The following CAMTA2 variants were observed in gnomAD, a reference collection of about 807,000 sequenced individuals.
CAMTA2 encodes the protein calmodulin-binding transcription activator 2.
A neutral mutation model predicts 135.7 loss-of-function variants in CAMTA2; 56 were observed. The ratio of observed to expected loss-of-function variants is 0.41; its 90% CI spans 0.33 to 0.52. CAMTA2 has a LOEUF of 0.52. Among genes scored for constraint, CAMTA2 ranks in the 20% least tolerant of loss-of-function variants. The pLI, the probability that CAMTA2 is intolerant of heterozygous loss-of-function variation, is 0.16. For missense variants in CAMTA2, 1,358 were observed against 1,553.4 expected (o/e 0.87, Z 2.11); for synonymous variants, 591 against 604.6 (o/e 0.98, Z 0.33).
chr17:4,970,551 AAGC>A lies in CAMTA2; in HGVS notation c.2809-18_2809-16del. The A allele has an allele frequency of 6.2e-7, 1 of 1,603,588 alleles. No individual in the cohort carries two copies. The highest frequency in any genetic ancestry group is 8.5e-7 in the Non-Finnish European group (1 of 1,178,256). ...ATCATGTCCACCTGGAAGAAGGGAG[AAGC>A]TGAGTGAGTCCTTAGGGGCCCCAGC... On this transcript the variant is annotated splice_polypyrimidine_tract_variant and intron_variant, in intron 16 of 22. Coordinates refer to ENST00000348066, the MANE Select transcript of CAMTA2 (RefSeq NM_015099.4).
rs561495223 is a variant in CAMTA2, at chr17:4,974,091, G to A, written c.2016+294C>T. ...TTAGCCCTCTTCTTTCAGAAACTTG[G>A]GACCCACAGAGATCTGAGCCCCAGT... On this transcript the variant is annotated intron_variant, in intron 12 of 22. Coordinates refer to ENST00000348066, the MANE Select transcript of CAMTA2 (RefSeq NM_015099.4). 50 of 522,066 alleles carry A rather than the reference G, an allele frequency of 9.6e-5. No individual in the cohort carries two copies. In the Admixed American group the frequency reaches 1.5e-3, roughly 16 times the overall value. 32.3% of individuals were successfully genotyped at this position (522,066 alleles called of 1,614,324 possible).
intron 1 of CAMTA2, 156 bp downstream of exon 1, chr17:4,987,437 G>A: frequency 1.4e-6 from 2 of 1,383,052 alleles, no homozygotes; most frequent in Non-Finnish European, 1.9e-6. Context: ...GGTGAGCGGC[G>A]CCCCCTGGCG....
chr17:4,977,121 C>T lies in CAMTA2; in HGVS notation c.1837G>A (p.Glu613Lys), dbSNP rs767101817. 6.2e-7 allele frequency: 1 copy of T among 1,614,102 alleles called. No homozygotes were observed. The highest frequency in any genetic ancestry group is 8.5e-7 in the Non-Finnish European group (1 of 1,180,018). The change falls in exon 11 of 23, where the codon GAG becomes AAG. Residue 613 changes from glutamate (E) to lysine (K), a missense_variant. Glu to Lys is a moderately conservative substitution (Grantham distance 56). Coordinates refer to ENST00000348066, the MANE Select transcript of CAMTA2 (RefSeq NM_015099.4). ...GACAGGAATCGGCGGGCTCGATACT[C>T]AAAGAGCACAGAAGCAGAAAGGGGC... ...EGPLSASVLF[E>K]YRARRFLSLP...
rs1972096149 is a variant in CAMTA2 at position 4,969,080 on chromosome 17, C to G, written c.3470+70G>C. On this transcript the variant is annotated intron_variant, in intron 21 of 22. Coordinates refer to ENST00000348066, the MANE Select transcript of CAMTA2 (RefSeq NM_015099.4). The surrounding 1 kb of genome is among the most constrained non-coding windows in gnomAD (Gnocchi z 5.6). Reference sequence around the variant, plus strand: ...GGGAATGGCAGTGAGGCATGATGATCAAGAGGATGAGTAAGGGGGAATGGC... The same window carrying G: ...GGGAATGGCAGTGAGGCATGATGATGAAGAGGATGAGTAAGGGGGAATGGC... The G allele has an allele frequency of 2.5e-6, 4 of 1,583,730 alleles. No homozygotes were observed. The Admixed American group carries it at 5.2e-5, about 20-fold the overall frequency.
rs1291500973 is a variant in CAMTA2, at chr17:4,978,353, G to C, written c.1765+151C>G. 3 of 746,772 alleles carry C rather than the reference G, an allele frequency of 4.0e-6. No homozygotes were observed. In the Admixed American group the frequency reaches 8.8e-5, roughly 22 times the overall value. 46.3% of individuals were successfully genotyped at this position (746,772 alleles called of 1,614,324 possible). A position where few individuals can be genotyped will look rare whatever the true frequency, so the allele number is the denominator to read the frequency against. ...GTCTGGGCTCTTCTGCCTGCTGGGAGAGCTTGGGGCTCAACCTCAGGACTG... is the reference window on the plus strand; with the variant it reads ...GTCTGGGCTCTTCTGCCTGCTGGGACAGCTTGGGGCTCAACCTCAGGACTG... On this transcript the variant is annotated intron_variant, in intron 10 of 22. Transcript: ENST00000348066.
rs753941242 is a variant in CAMTA2, at chr17:4,969,911, T to C, written c.3180A>G (p.Arg1060=). ...GACCCCTGCCCCTGACCTTGTACTT[T>C]CGGAAGGCCGTCTGGATGACTCGGG... ...EAARVIQTAF[R]KYKGRRLKEQ... is the part of the protein sequence containing the mutation. The change falls in exon 18 of 23, where the codon CGA becomes CGG. Residue 1060 remains arginine (R), a synonymous_variant. Coordinates refer to ENST00000348066, the MANE Select transcript of CAMTA2 (RefSeq NM_015099.4). The surrounding 1 kb of genome is among the most constrained non-coding windows in gnomAD (Gnocchi z 5.6). 6.2e-7 allele frequency: 1 copy of C among 1,614,094 alleles called. No individual in the cohort carries two copies. The highest frequency in any genetic ancestry group is 1.1e-5 in the South Asian group (1 of 91,086).
In CAMTA2 at chr17:4,983,456, A is replaced by AT. The variant is rs570631005; in HGVS notation, c.136-414dup. Among the ~76,000 whole-genome samples, 651 of 148,660 alleles carry AT rather than the reference A, an allele frequency of 4.4e-3. 3 individuals are homozygous for AT. The highest frequency in any genetic ancestry group is 7.4e-3 in the Middle Eastern group (2 of 272). ...CGCCACCATGCCCGGGTAATTTTGT[A>AT]TTTTTTTTAGTAGAGACAGGATTTC... On this transcript the variant is annotated intron_variant, in intron 3 of 22. Transcript: ENST00000348066.
intron 1 of CAMTA2, chr17:4,986,891 C>G (rs1973369052): frequency 7.5e-7 from 1 of 1,339,528 alleles, no homozygotes; most frequent in Non-Finnish European, 1.0e-6. Context: ...GCTGACAGCC[C>G]TCTCTACGTA....
chr17:4,979,383 AC>A (rs768265216), intron 9 of CAMTA2: 4 of 208,050 alleles, frequency 1.9e-5, no homozygotes, highest in Non-Finnish European at 3.8e-5. Context: ...GGTGGCGGTC[AC>A]CTGTAATCCC....
At chr17:4,974,749 T>G (rs1972515011) in intron 11 of CAMTA2, 1 of 416,730 alleles carries the variant, frequency 2.4e-6, no homozygotes, top group Non-Finnish European at 4.4e-6. Context: ...TCCTTCAAGG[T>G]ACAGAGGTAG....
At position 4,969,475 on chromosome 17, in the gene CAMTA2, C is replaced by A; in HGVS notation, c.3282+25G>T. On this transcript the variant is annotated intron_variant, in intron 20 of 22. Transcript: ENST00000348066. The surrounding 1 kb of genome is among the most constrained non-coding windows in gnomAD (Gnocchi z 5.6). ...GGAAAGACTGAATCATCACAGACCT[C>A]ACACTCAGAGCTCATGCCTAATACC... 6.2e-7 allele frequency: 1 copy of A among 1,613,846 alleles called. No individual in the cohort carries two copies. Among genetic ancestry groups the A allele is most frequent in the South Asian group, 1.1e-5 (1 of 91,072 alleles).
chr17:4,983,772 C>CG (rs34792940), intron 3 of CAMTA2: 3 of 151,772 alleles, frequency 2.0e-5, no homozygotes, highest in Non-Finnish European at 2.9e-5. Flanking sequence ...TTAGTAGAAA[C>CG]GGGGTTTCAC....
Position 4,973,005 on chromosome 17 carries a change from C to T in CAMTA2, c.2281-14G>A, listed in dbSNP as rs769950857. ...ACAAGCCCACATCTGAGGAAGGGGG[C>T]GGGACAGGCGGAGACGGAGGTGGAG... On this transcript the variant is annotated splice_polypyrimidine_tract_variant and intron_variant, in intron 14 of 22. Transcript: ENST00000348066. 20 of 1,604,114 alleles carry T rather than the reference C, an allele frequency of 1.2e-5. No individual in the cohort carries two copies. Among genetic ancestry groups the T allele is most frequent in the South Asian group, 4.4e-5 (4 of 90,936 alleles).
chr17:4,984,212 A>C (rs1241279801), intron 3 of CAMTA2, among the ~76,000 whole-genome samples: 1 of 152,146 alleles, frequency 6.6e-6, no homozygotes, highest in Admixed American at 6.5e-5. Context: ...AGCCTCCCAA[A>C]GTGCTGGGAT....
chr17:4,979,991 A>G lies in CAMTA2; in HGVS notation c.1331T>C (p.Ile444Thr), dbSNP rs956313847. Residue 444 changes from isoleucine (I) to threonine (T), a missense_variant, in exon 9 of 23, where the codon ATC (isoleucine) becomes ACC (threonine). Transcript: ENST00000348066. ...CTCCTCCCCACTGTCATCATCTTGGATGAAGAAGCAGTTTCCTCTTCTCCC... is the reference window on the plus strand; with the variant it reads ...CTCCTCCCCACTGTCATCATCTTGGGTGAAGAAGCAGTTTCCTCTTCTCCC... The part of the protein sequence containing the change: ...AGGRRGNCFF[I>T]QDDDSGEELK... The G allele has an allele frequency of 6.2e-7, 1 of 1,613,524 alleles. No individual in the cohort carries two copies. The highest frequency in any genetic ancestry group is 8.5e-7 in the Non-Finnish European group (1 of 1,179,960).
intron 3 of CAMTA2, among the ~76,000 whole-genome samples, chr17:4,984,269 C>T (rs537059724): frequency 2.0e-5 from 3 of 152,170 alleles, no homozygotes; most frequent in Non-Finnish European, 4.4e-5. Context: ...GATTCTTTAG[C>T]CTGACTCCAA....
rs773539959 is a variant in CAMTA2, at chr17:4,970,388, G to A, written c.2957C>T (p.Ala986Val). The change falls in exon 17 of 23, where the codon GCC becomes GTC. Residue 986 changes from alanine to valine, a missense_variant. Physicochemically the swap from Ala to Val is moderately conservative, Grantham distance 64 (BLOSUM62 0). Coordinates refer to ENST00000348066, the MANE Select transcript of CAMTA2 (RefSeq NM_015099.4). ...ATGGTCCACATTCTCCAGGTAGCTG[G>A]CCAGCCAGGACATGGTCTCACTGAG... The part of the protein sequence containing the change: ...VGLSETMSWL[A>V]SYLENVDHFP... The A allele has an allele frequency of 6.2e-7, 1 of 1,614,208 alleles. No homozygotes were observed. Among genetic ancestry groups the A allele is most frequent in the Non-Finnish European group, 8.5e-7 (1 of 1,180,032 alleles).
intron 5 of CAMTA2, 191 bp from the exon 6 acceptor site, chr17:4,982,351 G>A: frequency 1.7e-6 from 1 of 605,428 alleles, no homozygotes; most frequent in Non-Finnish European, 3.0e-6. Flanking sequence ...AGTGGGGCTG[G>A]GGCCTTATAG....
Position 4,973,616 on chromosome 17 carries a change from C to T in CAMTA2, c.2170G>A (p.Ala724Thr). ...LLHLAAAQGY[A>T]RLIETLSQWR... ...TGGCTCAGGGTCTCGATGAGGCGGG[C>T]ATAGCCCTGGGCAGCAGCCAGGTGC... The change falls in exon 13 of 23, where the codon GCC becomes ACC. Residue 724 changes from alanine to threonine, a missense_variant. Transcript: ENST00000348066. 1 of 1,613,402 alleles carries T rather than the reference C, an allele frequency of 6.2e-7. No homozygotes were observed. The highest frequency in any genetic ancestry group is 8.5e-7 in the Non-Finnish European group (1 of 1,179,824).
Sources: gnomAD v4.1 joint callset for allele counts (sites outside exome capture counted in the v4.1 genomes callset) on GRCh38, gnomAD v4.1.1 for gene constraint, Gnocchi (gnomAD v3.1) non-coding constraint, MANE v1.5 for transcripts, NCBI Gene and HGNC (gene_info 2026-07-23, HGNC 2026-07-21) for gene names.